SNRPN: variants seen among roughly 807,000 people sequenced by gnomAD.
SNRPN encodes small nuclear ribonucleoprotein polypeptide N.
A neutral mutation model predicts 25.2 loss-of-function variants in SNRPN; 7 were observed. The ratio of observed to expected loss-of-function variants is 0.28; its 90% CI spans 0.16 to 0.52. The LOEUF (loss-of-function observed/expected upper bound fraction) is 0.52. Ranked by LOEUF, SNRPN falls within the 20% of genes least tolerant of loss-of-function variation. The probability of loss-of-function intolerance (pLI) is 0.96; values close to 1 mark genes in which losing one functional copy is unlikely to be tolerated. For synonymous variants in SNRPN, 124 were observed against 110.6 expected (o/e 1.12, Z -0.76); for missense variants, 196 against 322.5 (o/e 0.61, Z 3.00).
chr15:24,885,405 C>G (rs556255080), intron 1 of SNRPN, among the ~76,000 whole-genome samples: 1 of 152,186 alleles, frequency 6.6e-6, no homozygotes. Context: ...TAGACACTGC[C>G]AAATTGCTTT....
chr15:24,942,157 G>C (rs2061593513), intron 3 of SNRPN: 1 of 152,178 alleles, frequency 6.6e-6, no homozygotes. Flanking sequence ...TTGGAACTAA[G>C]ACTGCCAGAC....
chr15:24,826,331 C>T (rs1009334910), intron 1 of SNRPN, among the ~76,000 whole-genome samples: 1 of 152,086 alleles, frequency 6.6e-6, no homozygotes, highest in Non-Finnish European at 1.5e-5. Context: ...CTCCAAAAGT[C>T]CTTGCTGCTC....
At chr15:24,834,751 C>CTCTCTCTCTCTATATATATATATATA in intron 2 of SNRPN, among the ~76,000 whole-genome samples, 2 of 60,954 alleles carry the variant, frequency 3.3e-5, no homozygotes, top group Non-Finnish European at 6.6e-5. Flanking sequence ...CTCTCTCTCT[C>CTCTCTCTCTCTATATATATATATATA]TATATATATA....
intron 3 of SNRPN, among the ~76,000 whole-genome samples, chr15:24,935,437 A>G (rs2061163677): frequency 6.6e-6 from 1 of 152,170 alleles, no homozygotes. Flanking sequence ...GGAGAAAGAG[A>G]TTCTGTAAGT....
At chr15:24,904,590 G>A (rs1000327992) in intron 2 of SNRPN, among the ~76,000 whole-genome samples, 2 of 151,988 alleles carry the variant, frequency 1.3e-5, no homozygotes, top group African/African-American at 4.8e-5. Context: ...GGGAGGCAGA[G>A]GTTGCAGTGA....
chr15:24,850,407 T>C (rs1373444500), intron 2 of SNRPN: 1 of 151,628 alleles, frequency 6.6e-6, no homozygotes, highest in African/African-American at 2.4e-5. Flanking sequence ...CTGACCCAGG[T>C]TCAAGCATTT....
chr15:24,967,977 G>T lies in SNRPN; in HGVS notation c.-249G>T. On this transcript the variant is annotated 5_prime_UTR_variant, in exon 3 of 10. Coordinates refer to ENST00000390687, the MANE Select transcript of SNRPN (RefSeq NM_003097.6). ...GTTCTCAGCAGCAGCAAGTACCTGT[G>T]GTGGATTTCCAGGCTGAACTGAGGC... 1 of 1,614,112 alleles carries T rather than the reference G, an allele frequency of 6.2e-7. No homozygotes were observed. The highest frequency in any genetic ancestry group is 8.5e-7 in the Non-Finnish European group (1 of 1,180,022).
chr15:24,843,118 G>A (rs574785744), intron 2 of SNRPN, among the ~76,000 whole-genome samples: 1 of 152,110 alleles, frequency 6.6e-6, no homozygotes, highest in East Asian at 1.9e-4. Flanking sequence ...CTGTTGCCCA[G>A]GTTGGAGTGC....
Position 24,898,303 on chromosome 15 carries a change from T to C in SNRPN, c.-505+11714T>C, listed in dbSNP as rs574071850. Among the ~76,000 whole-genome samples the C allele has an allele frequency of 5.9e-5, 9 of 152,312 alleles. No homozygotes were observed. In the South Asian group the frequency reaches 1.4e-3, roughly 25 times the overall value. ...GCCTCATTGGCATATAAGTAGTATA[T>C]ATTGAGCTAGGCGTGGTGGCTTACG... On this transcript the variant is annotated intron_variant, in intron 2 of 11. Coordinates refer to the SNRPN transcript ENST00000400097.
At chr15:24,971,953 G>A (rs1209908006) in intron 3 of SNRPN, among the ~76,000 whole-genome samples, 8 of 152,026 alleles carry the variant, frequency 5.3e-5, no homozygotes, top group African/African-American at 1.9e-4. Flanking sequence ...GTGTTGCAGT[G>A]CTATAAAAAT....
chr15:24,866,829 C>T (rs2054613584), intron 1 of SNRPN, among the ~76,000 whole-genome samples: 1 of 152,104 alleles, frequency 6.6e-6, no homozygotes, highest in African/African-American at 2.4e-5. Context: ...ACATAATGTA[C>T]TCCAGGTTCA....
At chr15:24,927,399 G>T (rs562779374) in intron 3 of SNRPN, among the ~76,000 whole-genome samples, 3 of 149,578 alleles carry the variant, frequency 2.0e-5, no homozygotes, top group Non-Finnish European at 4.4e-5. Flanking sequence ...TTTGATTACA[G>T]GCATGAGCCA....
At chr15:24,878,021 A>G (rs1168652218) in intron 1 of SNRPN, among the ~76,000 whole-genome samples, 1 of 152,192 alleles carries the variant, frequency 6.6e-6, no homozygotes, top group Non-Finnish European at 1.5e-5. Context: ...ACCATGGACA[A>G]ACACATAAAA....
At chr15:24,924,245 T>C (rs1269777968) in intron 3 of SNRPN, among the ~76,000 whole-genome samples, 5 of 151,730 alleles carry the variant, frequency 3.3e-5, no homozygotes, top group Non-Finnish European at 7.4e-5. Flanking sequence ...TTCAGAAGCT[T>C]ATGTACCCTC....
chr15:24,872,292 C>T (rs1460921406), intron 1 of SNRPN, among the ~76,000 whole-genome samples: 1 of 116,594 alleles, frequency 8.6e-6, no homozygotes, highest in African/African-American at 2.9e-5. Flanking sequence ...CTCAGCCTCC[C>T]AAGAGGCTAG....
At chr15:24,964,104 T>A (rs904231053) in intron 2 of SNRPN, among the ~76,000 whole-genome samples, 9 of 152,080 alleles carry the variant, frequency 5.9e-5, no homozygotes, top group Non-Finnish European at 8.8e-5. Flanking sequence ...ATTTTTTTTT[T>A]ATTTTTTCCT....
intron 2 of SNRPN, chr15:24,850,826 A>G (rs1203933090): frequency 1.3e-5 from 2 of 152,242 alleles, no homozygotes; most frequent in African/African-American, 2.4e-5. Flanking sequence ...AAGGGAGCAA[A>G]AGAACCATGT....
At chr15:24,836,196 C>G (rs972342104) in intron 2 of SNRPN, among the ~76,000 whole-genome samples, 2 of 152,028 alleles carry the variant, frequency 1.3e-5, no homozygotes, top group African/African-American at 4.8e-5. Flanking sequence ...GCATTCTATT[C>G]TTATAGGGAC....
At chr15:24,954,968 C>G (rs182426295), upstream of SNRPN, 2 of 1,596,040 alleles carry the variant, frequency 1.3e-6, no homozygotes, top group Non-Finnish European at 1.7e-6. Flanking sequence ...AAGCCTGCCG[C>G]TGCTGCAGCG....
Sources: gnomAD v4.1 joint callset for allele counts (sites outside exome capture counted in the v4.1 genomes callset) on GRCh38, gnomAD v4.1.1 for gene constraint, MANE v1.5 for transcripts, NCBI Gene and HGNC (gene_info 2026-07-23, HGNC 2026-07-21) for gene names.